PKNOX2: variants seen among roughly 807,000 people sequenced by gnomAD.
PKNOX2 encodes the protein PBX/knotted 1 homeobox 2.
In PKNOX2, 14 loss-of-function variants were observed where a neutral mutation model predicts 53.1. The observed-to-expected ratio is 0.26, with a 90% CI of 0.17 to 0.41. PKNOX2 has a LOEUF of 0.41. PKNOX2 is among the 10% of genes least tolerant of loss of function. The probability of loss-of-function intolerance (pLI) is 1.00; values close to 1 mark genes in which losing one functional copy is unlikely to be tolerated. For synonymous variants in PKNOX2, 257 were observed against 242.8 expected, an observed-to-expected ratio of 1.06 and a Z score of -0.54; for missense variants, 496 against 602.8, an observed-to-expected ratio of 0.82 and a Z score of 1.85.
chr11:125,348,507 T>C (rs1951115351), intron 3 of PKNOX2, among the ~76,000 whole-genome samples: 1 of 152,182 alleles, frequency 6.6e-6, no homozygotes, highest in South Asian at 2.1e-4. Flanking sequence ...AGAATATTGT[T>C]CCTGTGTCTT....
At chr11:125,296,327 AC>A (rs2135935318) in intron 2 of PKNOX2, among the ~76,000 whole-genome samples, 1 of 152,232 alleles carries the variant, frequency 6.6e-6, no homozygotes, top group East Asian at 1.9e-4. Flanking sequence ...TGCCGGCTCT[AC>A]CCAATACAGA....
At chr11:125,380,942 A>G (rs113658484) in intron 5 of PKNOX2, among the ~76,000 whole-genome samples, 66 of 152,340 alleles carry the variant, frequency 4.3e-4, no homozygotes, top group African/African-American at 1.3e-3. Context: ...AGGCAGGTAC[A>G]GGCTGGGCAC....
chr11:125,409,859 ACT>A (rs1278549692), intron 7 of PKNOX2, among the ~76,000 whole-genome samples: 9 of 151,794 alleles, frequency 5.9e-5, no homozygotes, highest in Admixed American at 5.3e-4. Context: ...ATTAAATGAG[ACT>A]CTCTGAGATT....
chr11:125,345,930 C>A (rs1950945653), intron 3 of PKNOX2, among the ~76,000 whole-genome samples: 1 of 152,138 alleles, frequency 6.6e-6, no homozygotes. Context: ...TGCGACGCCA[C>A]CTACAGGCCA....
intron 2 of PKNOX2, among the ~76,000 whole-genome samples, chr11:125,293,151 G>A (rs1947415814): frequency 3.3e-5 from 5 of 152,202 alleles, no homozygotes; most frequent in East Asian, 1.9e-4. Context: ...TGGGGTGGAC[G>A]AATGGGGGAT....
chr11:125,405,849 C>A (rs1955057046), intron 7 of PKNOX2, among the ~76,000 whole-genome samples: 1 of 152,172 alleles, frequency 6.6e-6, no homozygotes, highest in African/African-American at 2.4e-5. Flanking sequence ...TGGTTTTCAT[C>A]TGATTCCCAG....
chr11:125,171,134 TA>T (rs752408794), intron 1 of PKNOX2, among the ~76,000 whole-genome samples: 2 of 152,114 alleles, frequency 1.3e-5, no homozygotes, highest in Non-Finnish European at 2.9e-5. Context: ...CCAAATCTAG[TA>T]GAGAGGGAAC....
intron 10 of PKNOX2, among the ~76,000 whole-genome samples, chr11:125,421,443 C>CA (rs1436411185): frequency 6.6e-6 from 1 of 152,184 alleles, no homozygotes; most frequent in Non-Finnish European, 1.5e-5. Flanking sequence ...TTTATGGCAG[C>CA]ATGGTGTAGC....
In PKNOX2 at chr11:125,256,092, G is replaced by T. The variant is rs1226425572; in HGVS notation, c.-130+20977G>T. Among the ~76,000 whole-genome samples, 4 of 152,058 alleles carry T rather than the reference G, an allele frequency of 2.6e-5. No homozygotes were observed. The South Asian group carries it at 6.2e-4, about 24-fold the overall frequency. On this transcript the variant is annotated intron_variant, in intron 2 of 12. Coordinates refer to ENST00000298282, the MANE Select transcript of PKNOX2 (RefSeq NM_001382323.2). Reference sequence around the variant, plus strand: ...GGGAACTTAGCCTGCTGGGAAGACGGTGGGGATGGACTCCAGGCTGAAACG... The same window carrying T: ...GGGAACTTAGCCTGCTGGGAAGACGTTGGGGATGGACTCCAGGCTGAAACG...
At chr11:125,412,974 G>C (rs961215749) in intron 10 of PKNOX2, among the ~76,000 whole-genome samples, 26 of 152,180 alleles carry the variant, frequency 1.7e-4, no homozygotes, top group Non-Finnish European at 3.1e-4. Context: ...CTGGGTCTTG[G>C]GGGCTCTGAT....
chr11:125,294,549 T>C (rs141056189), intron 2 of PKNOX2, among the ~76,000 whole-genome samples: 1 of 152,160 alleles, frequency 6.6e-6, no homozygotes, highest in African/African-American at 2.4e-5. Context: ...AGAGGCGGCA[T>C]GGCAGGGCAT....
intron 3 of PKNOX2, among the ~76,000 whole-genome samples, chr11:125,337,909 C>G (rs1950505599): frequency 6.6e-6 from 1 of 152,200 alleles, no homozygotes; most frequent in African/African-American, 2.4e-5. Context: ...GAAGTCAGAC[C>G]TCATGATGAC....
At chr11:125,195,439 G>A (rs555988518) in intron 1 of PKNOX2, among the ~76,000 whole-genome samples, 1 of 152,300 alleles carries the variant, frequency 6.6e-6, no homozygotes, top group African/African-American at 2.4e-5. Flanking sequence ...TGGGAAGCAG[G>A]AGGAGGGGTG....
At chr11:125,276,163 G>A (rs1300132794) in intron 2 of PKNOX2, among the ~76,000 whole-genome samples, 1 of 152,182 alleles carries the variant, frequency 6.6e-6, no homozygotes, top group South Asian at 2.1e-4. Flanking sequence ...ATTTACTTTG[G>A]CAAGATATGG....
intron 2 of PKNOX2, among the ~76,000 whole-genome samples, chr11:125,237,488 T>C (rs1285645959): frequency 6.6e-6 from 1 of 152,164 alleles, no homozygotes; most frequent in Non-Finnish European, 1.5e-5. Flanking sequence ...TCTACCACAA[T>C]TGGTACTCAT....
chr11:125,194,835 G>A lies in PKNOX2; in HGVS notation c.-201+30059G>A, dbSNP rs182245684. Reference sequence around the variant, plus strand: ...TATGCCAGGCTGCAGGCAAGGTGCTGTGTATGCTCCAGCTAATTTAATTCT... The same window carrying A: ...TATGCCAGGCTGCAGGCAAGGTGCTATGTATGCTCCAGCTAATTTAATTCT... On this transcript the variant is annotated intron_variant, in intron 1 of 12. Coordinates refer to ENST00000298282, the MANE Select transcript of PKNOX2 (RefSeq NM_001382323.2). Among the ~76,000 whole-genome samples the A allele has an allele frequency of 1.2e-3, 181 of 152,296 alleles. 1 individual carries two copies. The highest frequency in any genetic ancestry group is 4.2e-3 in the African/African-American group (174 of 41,576).
rs1954820452 is a variant in PKNOX2 at position 125,165,750 on chromosome 11, G to C, written c.-201+974G>C. ...GCGTAGGGGCCCGCGCGAGGCTTGG[G>C]AATCGGGAGCCCTTCTGGCTCGAGA... is the stretch of plus-strand genomic sequence containing the variant. On this transcript the variant is annotated intron_variant, in intron 1 of 12. Transcript: ENST00000298282. The surrounding 1 kb of genome is among the most constrained non-coding windows in gnomAD (Gnocchi z 4.5). Among the ~76,000 whole-genome samples, 2 of 152,208 alleles carry C rather than the reference G, an allele frequency of 1.3e-5. No homozygotes were observed. Among genetic ancestry groups the C allele is most frequent in the African/African-American group, 4.8e-5 (2 of 41,472 alleles).
intron 2 of PKNOX2, among the ~76,000 whole-genome samples, chr11:125,251,866 A>G (rs1197980834): frequency 6.6e-6 from 1 of 151,414 alleles, no homozygotes; most frequent in African/African-American, 2.4e-5. Flanking sequence ...TTTTATATCA[A>G]TCAAGTTTTT....
At chr11:125,321,450 A>G (rs1016669172) in intron 2 of PKNOX2, among the ~76,000 whole-genome samples, 2 of 152,236 alleles carry the variant, frequency 1.3e-5, no homozygotes, top group African/African-American at 4.8e-5. Context: ...TACCTAATAC[A>G]ATGTAAATGC....
Sources: gnomAD v4.1 joint callset for allele counts (sites outside exome capture counted in the v4.1 genomes callset) on GRCh38, gnomAD v4.1.1 for gene constraint, Gnocchi (gnomAD v3.1) non-coding constraint, MANE v1.5 for transcripts, NCBI Gene and HGNC (gene_info 2026-07-23, HGNC 2026-07-21) for gene names.